CEACAM6: variants seen among roughly 807,000 people sequenced by gnomAD.
The protein encoded by CEACAM6 is CEA cell adhesion molecule 6, also known as cell adhesion molecule CEACAM6.
CEACAM6 carries 21 observed loss-of-function variants against 32.4 expected under a neutral mutation model. The ratio of observed to expected loss-of-function variants is 0.65; its 90% CI spans 0.46 to 0.93. The LOEUF (loss-of-function observed/expected upper bound fraction) is 0.93, where lower values mean the gene tolerates loss of function less well. CEACAM6 is among the 40% of genes least tolerant of loss of function. The probability of loss-of-function intolerance (pLI) is 0.00; values close to 1 mark genes in which losing one functional copy is unlikely to be tolerated. For missense variants in CEACAM6, 406 were observed against 432.2 expected (o/e 0.94, Z 0.54); for synonymous variants, 184 against 174.4 (o/e 1.06, Z -0.43).
chr19:41,763,611 T>G (rs1283618799), intron 4 of CEACAM6, among the ~76,000 whole-genome samples: 1 of 152,206 alleles, frequency 6.6e-6, no homozygotes, highest in Non-Finnish European at 1.5e-5. Flanking sequence ...ACAAAGCAGG[T>G]GGCCTCGATC....
At chr19:41,761,885 G>A in intron 3 of CEACAM6, 84 bp from the exon 4 acceptor site, 2 of 1,529,276 alleles carry the variant, frequency 1.3e-6, no homozygotes, top group Non-Finnish European at 1.8e-6. Flanking sequence ...CATGGCTCAG[G>A]GGGACACCGT....
At chr19:41,756,409 G>A (rs529816361) in intron 1 of CEACAM6, among the ~76,000 whole-genome samples, 191 bp from the exon 2 acceptor site, 1 of 151,132 alleles carries the variant, frequency 6.6e-6, no homozygotes, top group East Asian at 2.0e-4. Flanking sequence ...GGTCAAAGGT[G>A]CTGAAGGAAT....
At chr19:41,766,083 T>A in intron 4 of CEACAM6, 100 bp from the exon 5 acceptor site, 1 of 752,220 alleles carries the variant, frequency 1.3e-6, no homozygotes, top group Non-Finnish European at 2.1e-6. Flanking sequence ...GTGTATTCCT[T>A]GAAGGAACAA....
At position 41,755,802 on chromosome 19, in the gene CEACAM6, T is replaced by C. The variant is rs1344421954; in HGVS notation, c.64+100T>C. On this transcript the variant is annotated intron_variant, in intron 1 of 5. Transcript: ENST00000199764. Reference sequence around the variant, plus strand: ...AGGCTCTGAGAGGAGACAGAGGGCTTTTGTTGAAGCCTGAGGAAACAGAAC... The same window carrying C: ...AGGCTCTGAGAGGAGACAGAGGGCTCTTGTTGAAGCCTGAGGAAACAGAAC... 15 of 955,932 alleles carry C rather than the reference T, an allele frequency of 1.6e-5. No individual in the cohort carries two copies. In the Admixed American group the frequency reaches 3.2e-4, roughly 20 times the overall value. The allele number at this position is 955,932 out of a possible 1,614,324, so 59.2% of individuals were successfully genotyped here. A position where few individuals can be genotyped will look rare whatever the true frequency, so the allele number is the denominator to read the frequency against.
At position 41,761,995 on chromosome 19, in the gene CEACAM6, C is replaced by T. The variant is rs1568726398; in HGVS notation, c.730C>T (p.Pro244Ser). 6.2e-7 allele frequency: 1 copy of T among 1,614,142 alleles called. No homozygotes were observed. ...TGGCCCAGATGTCCCCACCATTTCC[C>T]CCTCAAAGGCCAATTACCGTCCAGG... ...LYGPDVPTIS[P>S]SKANYRPGEN... is the part of the protein sequence containing the mutation. The change falls in exon 4 of 6, where the codon CCC becomes TCC. Residue 244 changes from proline (P) to serine (S), a missense_variant. Pro to Ser is a moderately conservative substitution (Grantham distance 74). Transcript: ENST00000199764.
At chr19:41,763,218 T>C (rs1431895171) in intron 4 of CEACAM6, among the ~76,000 whole-genome samples, 1 of 152,120 alleles carries the variant, frequency 6.6e-6, no homozygotes, top group Admixed American at 6.5e-5. Context: ...AACTCTCTTC[T>C]TCCTCCCAAA....
At chr19:41,761,192 C>A in intron 2 of CEACAM6, 57 bp from the exon 3 acceptor site, 2 of 1,611,760 alleles carry the variant, frequency 1.2e-6, no homozygotes, top group South Asian at 2.2e-5. Context: ...TTGAAAGATG[C>A]CTGTGGAGGA....
rs184148699 is a variant in CEACAM6 at position 41,766,307 on chromosome 19, C to A, written c.*40+8C>A. ...TTTCAGGAAGACTGGCAGGTATGATCGCCTTTCCTCTTGCCATGTTTCCTG... is the reference window on the plus strand; with the variant it reads ...TTTCAGGAAGACTGGCAGGTATGATAGCCTTTCCTCTTGCCATGTTTCCTG... On this transcript the variant is annotated splice_region_variant and intron_variant, in intron 5 of 5. Transcript: ENST00000199764. 14 of 1,399,292 alleles carry A rather than the reference C, an allele frequency of 1.0e-5. No individual in the cohort carries two copies. The highest frequency in any genetic ancestry group is 1.2e-5 in the Non-Finnish European group (12 of 1,020,782). 86.7% of individuals were successfully genotyped at this position (1,399,292 alleles called of 1,614,324 possible).
At position 41,761,486 on chromosome 19, in the gene CEACAM6, C is replaced by G; in HGVS notation, c.662C>G (p.Ala221Gly). ...GSYECEIQNP[A>G]SANRSDPVTL... The stretch of plus-strand genomic sequence containing the variant: ...TATGAATGTGAAATACAGAACCCAG[C>G]GAGTGCCAACCGCAGTGACCCAGTC... The change falls in exon 3 of 6, where the codon GCG becomes GGG. Residue 221 changes from alanine to glycine, a missense_variant. Ala to Gly is a moderately conservative substitution (Grantham distance 60, BLOSUM62 0). Transcript: ENST00000199764. The G allele has an allele frequency of 1.2e-6, 2 of 1,614,178 alleles. No individual in the cohort carries two copies. Among genetic ancestry groups the G allele is most frequent in the Non-Finnish European group, 1.7e-6 (2 of 1,180,022 alleles).
intron 5 of CEACAM6, among the ~76,000 whole-genome samples, chr19:41,769,271 C>T (rs535596526): frequency 6.6e-6 from 1 of 152,234 alleles, no homozygotes; most frequent in East Asian, 1.9e-4. Context: ...TTCTTCCTTC[C>T]TTAAAGCATT....
In CEACAM6 at chr19:41,772,031, C is replaced by A. The variant is rs560203900; in HGVS notation, c.*1270C>A. 6 of 152,086 alleles carry A rather than the reference C, an allele frequency of 3.9e-5. No homozygotes were observed. In the South Asian group the frequency reaches 1.0e-3, roughly 26 times the overall value. The allele number at this position is 152,086 out of a possible 1,614,324, so 9.4% of individuals were successfully genotyped here. On this transcript the variant is annotated 3_prime_UTR_variant, in exon 6 of 6. Transcript: ENST00000199764. ...TACTTTAACTTTTACAAAAAAGTAACCTGAACTAATCTGATGTTAACCAAT... is the reference window on the plus strand; with the variant it reads ...TACTTTAACTTTTACAAAAAAGTAAACTGAACTAATCTGATGTTAACCAAT...
intron 1 of CEACAM6, 45 bp downstream of exon 1, chr19:41,755,747 G>A: frequency 7.1e-6 from 11 of 1,540,864 alleles, no homozygotes; most frequent in Non-Finnish European, 9.7e-6. Context: ...AGGGAGCACA[G>A]AGACTGGCTA....
At chr19:41,765,088 T>C (rs1239015169) in intron 4 of CEACAM6, among the ~76,000 whole-genome samples, 1 of 152,234 alleles carries the variant, frequency 6.6e-6, no homozygotes, top group Non-Finnish European at 1.5e-5. Context: ...GCTATTATTA[T>C]TACTACTGTT....
Position 41,761,470 on chromosome 19 carries a change from G to C in CEACAM6, c.646G>C (p.Glu216Gln). The change falls in exon 3 of 6, where the codon GAA becomes CAA. Residue 216 changes from glutamate to glutamine, a missense_variant. By Grantham distance (29) the Glu-to-Gln change is conservative. Coordinates refer to ENST00000199764, the MANE Select transcript of CEACAM6 (RefSeq NM_002483.7). ...KRNDAGSYEC[E>Q]IQNPASANRS... ...GAACGATGCAGGATCCTATGAATGT[G>C]AAATACAGAACCCAGCGAGTGCCAA... The C allele has an allele frequency of 6.2e-7, 1 of 1,614,192 alleles. No homozygotes were observed. Among genetic ancestry groups the C allele is most frequent in the Non-Finnish European group, 8.5e-7 (1 of 1,180,040 alleles).
Position 41,766,189 on chromosome 19 carries a change from C to G in CEACAM6, c.965C>G (p.Ala322Gly). 1.2e-6 allele frequency: 2 copies of G among 1,606,510 alleles called. No homozygotes were observed. The highest frequency in any genetic ancestry group is 1.7e-6 in the Non-Finnish European group (2 of 1,176,794). ...TCTCTCTTCTTCCCACAAGGAAGTG[C>G]TCCTGTCCTCTCAGCTGTGGCCACC... Reference protein sequence around the residue: ...TVTMITVSGSAPVLSAVATVG... With the variant: ...TVTMITVSGSGPVLSAVATVG... Residue 322 changes from alanine to glycine, a missense_variant, in exon 5 of 6, where the codon GCT (alanine) becomes GGT (glycine). By Grantham distance (60) the Ala-to-Gly change is moderately conservative. Coordinates refer to ENST00000199764, the MANE Select transcript of CEACAM6 (RefSeq NM_002483.7).
At chr19:41,764,141 C>A (rs935968478) in intron 4 of CEACAM6, among the ~76,000 whole-genome samples, 3 of 152,164 alleles carry the variant, frequency 2.0e-5, no homozygotes, top group African/African-American at 4.8e-5. Context: ...TTGGCTAAAT[C>A]TTATTACTAA....
chr19:41,757,247 C>G (rs530295435), intron 2 of CEACAM6, among the ~76,000 whole-genome samples: 2 of 152,236 alleles, frequency 1.3e-5, no homozygotes, highest in Admixed American at 1.3e-4. Context: ...CCCCATGGAC[C>G]TGACCCTGAG....
chr19:41,770,326 G>A (rs1424511574), intron 5 of CEACAM6, among the ~76,000 whole-genome samples: 1 of 151,990 alleles, frequency 6.6e-6, no homozygotes, highest in Non-Finnish European at 1.5e-5. Flanking sequence ...GGGAGGCTGA[G>A]GCAGGAGAAT....
chr19:41,755,788 G>A, intron 1 of CEACAM6, 86 bp downstream of exon 1: 3 of 1,111,862 alleles, frequency 2.7e-6, no homozygotes, highest in South Asian at 1.5e-5. Context: ...GGCTCTGAGA[G>A]GAGACAGAGG....
Sources: allele counts gnomAD v4.1 joint callset (sites outside exome capture counted in the v4.1 genomes callset), GRCh38; gene constraint gnomAD v4.1.1; transcripts MANE v1.5; gene names NCBI Gene and HGNC (gene_info 2026-07-23, HGNC 2026-07-21).